Variants in KAT6B observed in about 807,000 individuals in gnomAD.
KAT6B encodes the protein histone acetyltransferase KAT6B.
In KAT6B, 10 loss-of-function variants were observed where a neutral mutation model predicts 187.5. That is an observed-to-expected ratio of 0.05 (90% CI 0.03 to 0.09). The LOEUF (loss-of-function observed/expected upper bound fraction) is 0.09, where lower values mean the gene tolerates loss of function less well. Ranked by LOEUF, KAT6B falls within the 10% of genes least tolerant of loss-of-function variation. KAT6B has a pLI of 1.00. For missense variants in KAT6B, 1,952 were observed against 2,558.9 expected (o/e 0.76, Z 5.12); for synonymous variants, 861 against 926.8 (o/e 0.93, Z 1.29).
At chr10:74,949,126 A>C (rs1012122559) in intron 3 of KAT6B, among the ~76,000 whole-genome samples, 1 of 152,260 alleles carries the variant, frequency 6.6e-6, no homozygotes, top group Non-Finnish European at 1.5e-5. Context: ...TTCTAAATCC[A>C]GAGTAGGGTT....
intron 4 of KAT6B, among the ~76,000 whole-genome samples, chr10:74,966,272 G>T (rs765447975): frequency 4.6e-5 from 7 of 152,146 alleles, no homozygotes; most frequent in African/African-American, 1.4e-4. Context: ...TGCTTTTAAG[G>T]ATTAATGTGA....
At chr10:74,852,996 T>C (rs760208752) in intron 3 of KAT6B, among the ~76,000 whole-genome samples, 2 of 152,262 alleles carry the variant, frequency 1.3e-5, no homozygotes, top group Non-Finnish European at 2.9e-5. Flanking sequence ...ACAAATATTT[T>C]ATTCATCCTT....
At chr10:74,968,982 A>C (rs186157071) in intron 4 of KAT6B, among the ~76,000 whole-genome samples, 87 of 152,194 alleles carry the variant, frequency 5.7e-4, no homozygotes, top group African/African-American at 1.9e-3. Flanking sequence ...GAACCTGCTG[A>C]GGCCACACTT....
chr10:75,026,782 C>A (rs1845879427), intron 17 of KAT6B, among the ~76,000 whole-genome samples: 1 of 152,114 alleles, frequency 6.6e-6, no homozygotes, highest in Non-Finnish European at 1.5e-5. Flanking sequence ...GAAAGCTCAT[C>A]TTCTGATTTT....
chr10:75,029,782 C>A lies in KAT6B; in HGVS notation c.4958C>A (p.Pro1653Gln). Residue 1653 changes from proline to glutamine, a missense_variant, in exon 18 of 18, where the codon CCA (proline) becomes CAA (glutamine). Physicochemically the swap from Pro to Gln is moderately conservative, Grantham distance 76. Transcript: ENST00000287239. This position sits in a 1 kb window ranked among gnomAD's most constrained non-coding sequence, Gnocchi z 6.2. ...NMETSPMMDV[P>Q]SVSDHSQQVV... ...GAAACCAGTCCCATGATGGATGTCC[C>A]ATCAGTTTCAGATCATTCACAGCAA... 6.2e-7 allele frequency: 1 copy of A among 1,614,196 alleles called. No homozygotes were observed. Among genetic ancestry groups the A allele is most frequent in the Non-Finnish European group, 8.5e-7 (1 of 1,180,024 alleles).
At chr10:74,970,391 A>C (rs1841773223) in intron 6 of KAT6B, among the ~76,000 whole-genome samples, 1 of 152,120 alleles carries the variant, frequency 6.6e-6, no homozygotes, top group African/African-American at 2.4e-5. Context: ...TATTAGAATA[A>C]GATTAGATTA....
intron 3 of KAT6B, among the ~76,000 whole-genome samples, chr10:74,949,028 A>G (rs1840136705): frequency 6.6e-6 from 1 of 152,208 alleles, no homozygotes; most frequent in Admixed American, 6.5e-5. Flanking sequence ...GGGAATCACT[A>G]GAGAGGCACT....
At chr10:74,970,185 A>C in intron 6 of KAT6B, 84 bp downstream of exon 6, 1 of 991,696 alleles carries the variant, frequency 1.0e-6, no homozygotes, top group Non-Finnish European at 1.6e-6. Context: ...AGAGGTATAC[A>C]GGTTCTTTAA....
chr10:74,877,554 T>A (rs1430480198), intron 3 of KAT6B, among the ~76,000 whole-genome samples: 3 of 152,202 alleles, frequency 2.0e-5, no homozygotes, highest in African/African-American at 7.2e-5. Context: ...TATGCCTGGA[T>A]CAAAAAAATG....
At chr10:74,941,266 A>G (rs367643573) in intron 3 of KAT6B, among the ~76,000 whole-genome samples, 1 of 152,220 alleles carries the variant, frequency 6.6e-6, no homozygotes, top group African/African-American at 2.4e-5. Context: ...GTTATTCTGA[A>G]TAGTCACATG....
At chr10:74,930,519 C>CA (rs1031605243) in intron 3 of KAT6B, among the ~76,000 whole-genome samples, 2 of 152,144 alleles carry the variant, frequency 1.3e-5, no homozygotes, top group African/African-American at 4.8e-5. Flanking sequence ...GAAATCTTTC[C>CA]ACCTGTATGC....
intron 2 of KAT6B, 59 bp from the exon 3 acceptor site, chr10:74,842,541 T>C (rs565377210): frequency 1.5e-5 from 8 of 538,120 alleles, no homozygotes; most frequent in Non-Finnish European, 1.6e-5. Context: ...AAAGAATCTT[T>C]TAGTTTATTT....
chr10:74,897,377 A>G (rs1846066309), intron 3 of KAT6B, among the ~76,000 whole-genome samples: 2 of 152,298 alleles, frequency 1.3e-5, no homozygotes, highest in African/African-American at 4.8e-5. Context: ...TTGTGCACCT[A>G]GAGTACCTGT....
intron 3 of KAT6B, 21 bp from the exon 4 acceptor site, chr10:74,959,949 T>G (rs1399873774): frequency 6.7e-7 from 1 of 1,487,358 alleles, no homozygotes; most frequent in South Asian, 1.1e-5. Flanking sequence ...GACAGTATTT[T>G]TTATTTTAAT....
At chr10:74,987,695 C>A (rs962846231) in intron 12 of KAT6B, among the ~76,000 whole-genome samples, 3 of 152,190 alleles carry the variant, frequency 2.0e-5, no homozygotes, top group Admixed American at 2.0e-4. Context: ...TAGAATTTAG[C>A]TGTAGTAACA....
intron 3 of KAT6B, among the ~76,000 whole-genome samples, chr10:74,917,036 T>TG (rs1216016957): frequency 1.3e-5 from 2 of 152,138 alleles, no homozygotes; most frequent in Non-Finnish European, 2.9e-5. Context: ...GCCTGGGAAG[T>TG]GGAGGCTGCA....
At chr10:75,002,755 C>G (rs1192068956) in intron 13 of KAT6B, among the ~76,000 whole-genome samples, 1 of 152,140 alleles carries the variant, frequency 6.6e-6, no homozygotes, top group Admixed American at 6.5e-5. Flanking sequence ...ATGGGACTAC[C>G]ATTGAATATG....
chr10:74,863,691 C>G (rs925067755), intron 3 of KAT6B, among the ~76,000 whole-genome samples: 7 of 152,170 alleles, frequency 4.6e-5, no homozygotes, highest in Non-Finnish European at 8.8e-5. Flanking sequence ...TCTTTGATTA[C>G]TAATGACTTG....
intron 13 of KAT6B, among the ~76,000 whole-genome samples, chr10:75,013,908 G>A (rs1477505409): frequency 1.3e-5 from 2 of 152,094 alleles, no homozygotes; most frequent in African/African-American, 2.4e-5. Flanking sequence ...CACCCATAGA[G>A]CCTCTCACGA....
Sources: allele counts gnomAD v4.1 joint callset (sites outside exome capture counted in the v4.1 genomes callset), GRCh38; gene constraint gnomAD v4.1.1; non-coding constraint Gnocchi (gnomAD v3.1); transcripts MANE v1.5; gene names NCBI Gene and HGNC (gene_info 2026-07-23, HGNC 2026-07-21).